The following SPMIP2 variants were observed in gnomAD, a reference collection of about 807,000 sequenced individuals.
The protein encoded by SPMIP2 is protein SPMIP2.
At chr4:159,022,428 A>G in the SPMIP2 span, among the ~76,000 whole-genome samples, 1 of 152,168 alleles carries the variant, frequency 6.6e-6, no homozygotes, top group South Asian at 2.1e-4. Flanking sequence ...CTAAAATTAG[A>G]TCGTAAAGAG....
the SPMIP2 span, chr4:158,973,149 T>C: frequency 1.9e-6 from 3 of 1,612,694 alleles, no homozygotes; most frequent in Non-Finnish European, 2.5e-6. Flanking sequence ...CCAACCAATT[T>C]CACTGACGTA....
At chr4:159,058,005 G>A in the SPMIP2 span, among the ~76,000 whole-genome samples, 4 of 151,952 alleles carry the variant, frequency 2.6e-5, no homozygotes, top group South Asian at 2.1e-4. Flanking sequence ...GCTGGGATCC[G>A]AGCTGCATGC....
the SPMIP2 span, among the ~76,000 whole-genome samples, chr4:158,950,456 A>G: frequency 6.6e-6 from 1 of 152,226 alleles, no homozygotes. Flanking sequence ...TGTCTTTTAT[A>G]CACAATTCAG....
the SPMIP2 span, among the ~76,000 whole-genome samples, chr4:159,044,030 C>T: frequency 3.9e-5 from 6 of 152,294 alleles, no homozygotes; most frequent in South Asian, 1.0e-3. Flanking sequence ...TAAGAAAATA[C>T]TCCACTTTGA....
At chr4:158,934,024 T>G in the SPMIP2 span, among the ~76,000 whole-genome samples, 1 of 152,222 alleles carries the variant, frequency 6.6e-6, no homozygotes, top group African/African-American at 2.4e-5. Context: ...ATATGTATTA[T>G]CTCTCATCTT....
the SPMIP2 span, among the ~76,000 whole-genome samples, chr4:158,988,438 A>G: frequency 6.6e-6 from 1 of 152,100 alleles, no homozygotes; most frequent in African/African-American, 2.4e-5. Flanking sequence ...AGATGCAACA[A>G]AAAAAGAAAA....
chr4:158,909,308 A>G, the SPMIP2 span: 1 of 152,086 alleles, frequency 6.6e-6, no homozygotes, highest in Admixed American at 6.5e-5. Flanking sequence ...AGATATTTCA[A>G]AATCCTTTCT....
the SPMIP2 span, among the ~76,000 whole-genome samples, chr4:158,987,524 T>C: frequency 6.6e-6 from 1 of 151,846 alleles, no homozygotes; most frequent in Non-Finnish European, 1.5e-5. Context: ...CAGTCAACTA[T>C]CGCAAGGACA....
the SPMIP2 span, among the ~76,000 whole-genome samples, chr4:159,066,307 G>T: frequency 2.6e-5 from 4 of 152,078 alleles, no homozygotes; most frequent in Non-Finnish European, 5.9e-5. Context: ...TGGAGTTATG[G>T]ATGCTGCAAT....
the SPMIP2 span, among the ~76,000 whole-genome samples, chr4:158,990,586 G>A: frequency 6.6e-6 from 1 of 152,148 alleles, no homozygotes. Flanking sequence ...TCTTTGCAGG[G>A]ACATGGATGA....
the SPMIP2 span, among the ~76,000 whole-genome samples, chr4:158,968,770 A>G: frequency 6.6e-6 from 1 of 152,224 alleles, no homozygotes; most frequent in Non-Finnish European, 1.5e-5. Flanking sequence ...AAATAAATTC[A>G]TAGTGAGCAA....
At chr4:158,934,686 G>T in the SPMIP2 span, among the ~76,000 whole-genome samples, 1 of 151,972 alleles carries the variant, frequency 6.6e-6, no homozygotes, top group South Asian at 2.1e-4. Flanking sequence ...TCCTTCTTGT[G>T]TTCCCTATTT....
the SPMIP2 span, chr4:158,960,280 G>C: frequency 1.3e-6 from 2 of 1,506,012 alleles, no homozygotes; most frequent in South Asian, 2.3e-5. Context: ...ATTCATATTT[G>C]CTTACCATGG....
the SPMIP2 span, among the ~76,000 whole-genome samples, chr4:158,952,850 C>A: frequency 6.6e-6 from 1 of 152,180 alleles, no homozygotes; most frequent in Non-Finnish European, 1.5e-5. Context: ...AGACTGGTGG[C>A]ATTTTGCCCC....
chr4:159,054,753 T>A, the SPMIP2 span, among the ~76,000 whole-genome samples: 5 of 152,200 alleles, frequency 3.3e-5, no homozygotes, highest in African/African-American at 1.2e-4. Context: ...CCTGCTTGCC[T>A]CTGTCCTCCA....
At chr4:158,893,240 T>C in the SPMIP2 span, 2 of 153,930 alleles carry the variant, frequency 1.3e-5, no homozygotes, top group Admixed American at 6.5e-5. Context: ...TATTATAAAA[T>C]ACTTTAAAAG....
chr4:158,916,110 G>A, the SPMIP2 span, among the ~76,000 whole-genome samples: 5 of 152,148 alleles, frequency 3.3e-5, no homozygotes, highest in Non-Finnish European at 7.4e-5. Flanking sequence ...TGATTTGTGG[G>A]AGATTTGCAT....
chr4:159,077,788 G>A, the SPMIP2 span, among the ~76,000 whole-genome samples: 4 of 152,164 alleles, frequency 2.6e-5, no homozygotes, highest in African/African-American at 9.7e-5. Context: ...AGGTAACAGA[G>A]TGATGATGAC....
the SPMIP2 span, among the ~76,000 whole-genome samples, chr4:158,922,130 TG>T: frequency 6.6e-6 from 1 of 152,100 alleles, no homozygotes; most frequent in Non-Finnish European, 1.5e-5. Flanking sequence ...CCTCGTGATC[TG>T]CCCGCCTCGG....
Sources: gnomAD v4.1 joint callset for allele counts (sites outside exome capture counted in the v4.1 genomes callset) on GRCh38, gnomAD v4.1.1 for gene constraint, MANE v1.5 for transcripts, NCBI Gene and HGNC (gene_info 2026-07-23, HGNC 2026-07-21) for gene names.